ZFHX3: variants seen among roughly 807,000 people sequenced by gnomAD.
ZFHX3 encodes the protein zinc finger homeobox protein 3.
In ZFHX3, 42 loss-of-function variants were observed where a neutral mutation model predicts 279.1. The ratio of observed to expected loss-of-function variants is 0.15; its 90% CI spans 0.12 to 0.19. The LOEUF (loss-of-function observed/expected upper bound fraction) is 0.19. ZFHX3 is among the 10% of genes least tolerant of loss of function. ZFHX3 has a pLI of 1.00. For missense variants in ZFHX3, 4,981 were observed against 4,754.0 expected, an observed-to-expected ratio of 1.05 and a Z score of -1.40; for synonymous variants, 2,293 against 1,957.8, an observed-to-expected ratio of 1.17 and a Z score of -4.52.
chr16:72,808,991 A>G (rs1026007238), intron 7 of ZFHX3, among the ~76,000 whole-genome samples: 12 of 152,182 alleles, frequency 7.9e-5, no homozygotes, highest in African/African-American at 2.9e-4. Flanking sequence ...ACTTCCAGAA[A>G]TCTCTTAGGG....
At chr16:72,805,278 G>C (rs1440918566) in intron 7 of ZFHX3, among the ~76,000 whole-genome samples, 1 of 152,048 alleles carries the variant, frequency 6.6e-6, no homozygotes, top group Non-Finnish European at 1.5e-5. Flanking sequence ...CACTACGCCT[G>C]GCCAGCAGAG....
chr16:73,888,265 A>G (rs1050486426), intron 1 of ZFHX3, among the ~76,000 whole-genome samples: 3 of 152,192 alleles, frequency 2.0e-5, no homozygotes, highest in Non-Finnish European at 4.4e-5. Flanking sequence ...GTAACGGCAT[A>G]AATTGTGCTC....
chr16:73,371,038 T>C lies in ZFHX3; in HGVS notation c.-1290-52702A>G, dbSNP rs139478344. Among the ~76,000 whole-genome samples, 695 of 152,212 alleles carry C rather than the reference T, an allele frequency of 4.6e-3. 7 individuals carry two copies. Among genetic ancestry groups the C allele is most frequent in the African/African-American group, 0.016 (653 of 41,566 alleles). On this transcript the variant is annotated intron_variant, in intron 3 of 17. Coordinates refer to the ZFHX3 transcript ENST00000641206. ...GTTTTTCTCTCTTAAGACCTCATCA[T>C]TGGCCAGGTGTGGTGGCTCATGGCT...
chr16:72,923,143 A>G (rs1469765375), intron 3 of ZFHX3, among the ~76,000 whole-genome samples: 2 of 152,096 alleles, frequency 1.3e-5, no homozygotes, highest in Non-Finnish European at 2.9e-5. Flanking sequence ...ACAAGAATAG[A>G]AGATATGAAC....
At chr16:73,178,176 G>A (rs935194515) in intron 5 of ZFHX3, among the ~76,000 whole-genome samples, 1 of 151,382 alleles carries the variant, frequency 6.6e-6, no homozygotes, top group Non-Finnish European at 1.5e-5. Context: ...TTGAGACAGG[G>A]TCTCACTCCG....
intron 1 of ZFHX3, among the ~76,000 whole-genome samples, chr16:73,867,072 T>C (rs1321460709): frequency 6.6e-6 from 1 of 151,982 alleles, no homozygotes; most frequent in Non-Finnish European, 1.5e-5. Context: ...AACAGAGACC[T>C]TGGAGAGAGG....
Position 73,622,018 on chromosome 16 carries a change from T to G in ZFHX3, c.-1547+58162A>C, listed in dbSNP as rs569675627. 1.3e-4 allele frequency among the ~76,000 whole-genome samples: 20 copies of G among 152,312 alleles called. No individual in the cohort carries two copies. The East Asian group carries it at 3.7e-3, about 28-fold the overall frequency. On this transcript the variant is annotated intron_variant, in intron 2 of 17. Coordinates refer to the ZFHX3 transcript ENST00000641206. ...AAACTTACATTCTTGCTTATTATTT[T>G]TCATTTTCCCCTTTGTTTCTGTTTC...
intron 2 of ZFHX3, among the ~76,000 whole-genome samples, chr16:73,619,247 G>A (rs976623516): frequency 2.6e-5 from 4 of 151,988 alleles, no homozygotes; most frequent in African/African-American, 4.8e-5. Flanking sequence ...CTAGCACTTC[G>A]GGAGGCTGAG....
In ZFHX3 at chr16:72,787,042, T is replaced by TC. The variant is rs2035412706; in HGVS notation, c.*121_*122insG. 2.5e-6 allele frequency: 2 copies of TC among 801,320 alleles called. No individual in the cohort carries two copies. Among genetic ancestry groups the TC allele is most frequent in the East Asian group, 9.6e-5 (2 of 20,770 alleles). 49.6% of individuals were successfully genotyped at this position (801,320 alleles called of 1,614,324 possible). On this transcript the variant is annotated 3_prime_UTR_variant, in exon 10 of 10. Transcript: ENST00000268489. ...ACCCACGCTTTTTCTTTTTTTTCTT[T>TC]TTTTTTTTTTTTTTGTTTTTTGGTT...
chr16:73,531,988 T>A (rs2019812385), intron 2 of ZFHX3, among the ~76,000 whole-genome samples: 1 of 151,906 alleles, frequency 6.6e-6, no homozygotes, highest in African/African-American at 2.4e-5. Context: ...CTTGGAAGGC[T>A]GAAGTGGGAA....
intron 2 of ZFHX3, among the ~76,000 whole-genome samples, chr16:73,500,691 CAA>C (rs35032435): frequency 0.11 from 10,567 of 96,928 alleles, 496 homozygotes; most frequent in Admixed American, 0.26. Flanking sequence ...TTTTAAAATA[CAA>C]AAAAAAAAAA....
chr16:73,801,497 C>G (rs1037223968), intron 1 of ZFHX3, among the ~76,000 whole-genome samples: 1 of 152,150 alleles, frequency 6.6e-6, no homozygotes, highest in Admixed American at 6.5e-5. Flanking sequence ...ACAGCATAAA[C>G]CAGGAAAGAA....
intron 5 of ZFHX3, among the ~76,000 whole-genome samples, chr16:73,187,142 T>TCACACACACACACA (rs1491472382): frequency 3.4e-5 from 3 of 87,822 alleles, no homozygotes; most frequent in African/African-American, 9.1e-5. Flanking sequence ...AAGTTGTATG[T>TCACACACACACACA]CTCACACACA....
At chr16:73,066,005 G>T (rs932473259) in intron 8 of ZFHX3, among the ~76,000 whole-genome samples, 4 of 152,220 alleles carry the variant, frequency 2.6e-5, no homozygotes, top group Non-Finnish European at 5.9e-5. Context: ...TGGCCCCACG[G>T]CCGGCAGGAG....
chr16:72,951,787 A>G (rs1439950578), intron 2 of ZFHX3, among the ~76,000 whole-genome samples: 1 of 152,244 alleles, frequency 6.6e-6, no homozygotes, highest in African/African-American at 2.4e-5. Context: ...CTTGAGAACA[A>G]TCTATGGCTG....
At chr16:72,833,938 A>T (rs1264814266) in intron 4 of ZFHX3, among the ~76,000 whole-genome samples, 1 of 152,134 alleles carries the variant, frequency 6.6e-6, no homozygotes, top group Admixed American at 6.5e-5. Context: ...TTCAACAGTG[A>T]CTGAAGGCCT....
At chr16:73,660,615 A>G (rs2052771792) in intron 2 of ZFHX3, among the ~76,000 whole-genome samples, 1 of 152,188 alleles carries the variant, frequency 6.6e-6, no homozygotes, top group Admixed American at 6.5e-5. Context: ...TCTGTTGTAT[A>G]TGGCTCATAA....
At chr16:72,911,754 G>A (rs1026605064) in intron 3 of ZFHX3, among the ~76,000 whole-genome samples, 2 of 152,216 alleles carry the variant, frequency 1.3e-5, no homozygotes, top group Non-Finnish European at 2.9e-5. Flanking sequence ...TGGCCACCAC[G>A]CTGGACAGCA....
At chr16:73,160,284 T>C (rs994660161) in intron 5 of ZFHX3, among the ~76,000 whole-genome samples, 29 of 152,106 alleles carry the variant, frequency 1.9e-4, no homozygotes, top group Admixed American at 3.3e-4. Flanking sequence ...AGACCAACAA[T>C]GAGCTCCAAA....
Sources: allele counts gnomAD v4.1 joint callset (sites outside exome capture counted in the v4.1 genomes callset), GRCh38; gene constraint gnomAD v4.1.1; transcripts MANE v1.5; gene names NCBI Gene and HGNC (gene_info 2026-07-23, HGNC 2026-07-21).